The following TPRX1 variants were observed in gnomAD, a reference collection of about 807,000 sequenced individuals.
TPRX1 encodes the protein tetra-peptide repeat homeobox protein 1.
A neutral mutation model predicts 8.1 loss-of-function variants in TPRX1; 2 were observed. That is an observed-to-expected ratio of 0.25 (90% CI 0.10 to 0.78). The LOEUF (loss-of-function observed/expected upper bound fraction) is 0.78, where lower values mean the gene tolerates loss of function less well. Ranked by LOEUF, TPRX1 falls within the 30% of genes least tolerant of loss-of-function variation. TPRX1 has a pLI of 0.70. For synonymous variants in TPRX1, 257 were observed against 254.1 expected, an observed-to-expected ratio of 1.01 and a Z score of -0.11; for missense variants, 517 against 586.9, an observed-to-expected ratio of 0.88 and a Z score of 1.23.
chr19:47,802,664 G>A (rs750430305), exon 4 of TPRX1: 1 of 1,560,166 alleles, frequency 6.4e-7, no homozygotes, highest in Non-Finnish European at 8.7e-7. Context: ...GCCTGGAATT[G>A]AGCCAGGGAG....
At chr19:47,813,491 C>T (rs1488030324) in intron 2 of TPRX1, among the ~76,000 whole-genome samples, 1 of 152,132 alleles carries the variant, frequency 6.6e-6, no homozygotes, top group Non-Finnish European at 1.5e-5. Flanking sequence ...AGGCACTAGG[C>T]ACTCCGGTGA....
exon 4 of TPRX1, chr19:47,802,730 G>A: frequency 1.3e-6 from 2 of 1,599,422 alleles, no homozygotes; most frequent in Non-Finnish European, 1.7e-6. Flanking sequence ...GCCAGGGCCT[G>A]GACTCAGGGC....
intron 2 of TPRX1, among the ~76,000 whole-genome samples, chr19:47,815,163 T>TATATGCAAATATATATATATATATATA (rs201060804): frequency 4.6e-5 from 4 of 86,298 alleles, no homozygotes; most frequent in African/African-American, 5.6e-5. Context: ...TATATATATA[T>TATATGCAAATATATATATATATATATA]TTTTTTTTTT....
At chr19:47,818,246 C>CCCATCCATCCAT (rs756906028) in intron 2 of TPRX1, among the ~76,000 whole-genome samples, 3 of 129,846 alleles carry the variant, frequency 2.3e-5, no homozygotes, top group African/African-American at 3.4e-5. Context: ...CCATCCATCA[C>CCCATCCATCCAT]CCATCCATCC....
chr19:47,810,698 T>A (rs1967775047), intron 2 of TPRX1, among the ~76,000 whole-genome samples: 1 of 151,930 alleles, frequency 6.6e-6, no homozygotes, highest in Non-Finnish European at 1.5e-5. Flanking sequence ...GGGGTTGACC[T>A]CTTGGTGGGG....
intron 2 of TPRX1, among the ~76,000 whole-genome samples, chr19:47,817,503 T>C (rs1967854894): frequency 6.6e-6 from 1 of 152,098 alleles, no homozygotes; most frequent in East Asian, 1.9e-4. Flanking sequence ...CAGAGGTCCC[T>C]TTCTCAGAGG....
chr19:47,802,816 C>T (rs1967692246), exon 4 of TPRX1: 1 of 1,601,422 alleles, frequency 6.2e-7, no homozygotes, highest in South Asian at 1.1e-5. Context: ...TGGGTTCCGC[C>T]GCTGGAAGGA....
chr19:47,805,032 A>G (rs1290388179), intron 2 of TPRX1, among the ~76,000 whole-genome samples: 1 of 151,686 alleles, frequency 6.6e-6, no homozygotes, highest in African/African-American at 2.4e-5. Flanking sequence ...TGACCTTGCA[A>G]CCTCCTCTTT....
At chr19:47,812,975 C>T (rs1967797055) in intron 2 of TPRX1, among the ~76,000 whole-genome samples, 1 of 151,086 alleles carries the variant, frequency 6.6e-6, no homozygotes, top group Non-Finnish European at 1.5e-5. Context: ...GGTATGGTGG[C>T]ACGCGCCTGT....
chr19:47,802,031 A>T (rs748508057), exon 4 of TPRX1: 45 of 1,609,556 alleles, frequency 2.8e-5, no homozygotes, highest in Non-Finnish European at 3.8e-5. Context: ...TGGGGCTGGG[A>T]GTGATCCTGG....
intron 2 of TPRX1, among the ~76,000 whole-genome samples, 180 bp from the exon 2 acceptor site, chr19:47,803,853 G>A (rs1434756746): frequency 2.0e-5 from 3 of 151,710 alleles, no homozygotes; most frequent in African/African-American, 7.3e-5. Flanking sequence ...TCCACATCTA[G>A]GAAATAGGCG....
chr19:47,813,717 A>G (rs1967805829), intron 2 of TPRX1, among the ~76,000 whole-genome samples: 1 of 122,560 alleles, frequency 8.2e-6, no homozygotes. Context: ...TCTGACAAGC[A>G]GAAGGAGTTT....
Position 47,808,257 on chromosome 19 carries a change from G to A in TPRX1, c.152-4584C>T, listed in dbSNP as rs763402714. On this transcript the variant is annotated intron_variant, in intron 2 of 3. Coordinates refer to ENST00000535759, the Ensembl canonical transcript of TPRX1. The stretch of plus-strand genomic sequence containing the variant: ...AGCCTCCTGAGTAGCTGGGATTACA[G>A]GCACCCACCATGATGTCTGGCTAAT... 3.1e-4 allele frequency among the ~76,000 whole-genome samples: 47 copies of A among 151,928 alleles called. 1 individual carries two copies. The highest frequency in any genetic ancestry group is 1.3e-4 in the Admixed American group (2 of 15,212).
At chr19:47,815,646 C>CAA (rs34265596) in intron 2 of TPRX1, among the ~76,000 whole-genome samples, 16,059 of 60,172 alleles carry the variant, frequency 0.27, 2,617 homozygotes, top group Middle Eastern at 0.32. Flanking sequence ...CCCGTCTCTA[C>CAA]AAAAAAAAAA....
intron 2 of TPRX1, among the ~76,000 whole-genome samples, chr19:47,807,102 C>T (rs2123714584): frequency 6.6e-6 from 1 of 152,276 alleles, no homozygotes; most frequent in Non-Finnish European, 1.5e-5. Flanking sequence ...GAATGGGTTT[C>T]ACCATGTTGG....
chr19:47,803,090 C>G (rs905765062), intron 3 of TPRX1, 110 bp from the exon 3 acceptor site: 13 of 1,293,584 alleles, frequency 1.0e-5, no homozygotes, highest in Non-Finnish European at 1.2e-5. Context: ...TCAACAGCCC[C>G]CCATCCCCCA....
chr19:47,810,750 C>T (rs62131862), intron 2 of TPRX1, among the ~76,000 whole-genome samples: 39,484 of 151,804 alleles, frequency 0.26, 5,586 homozygotes, highest in Middle Eastern at 0.36. Flanking sequence ...CCCACAGACA[C>T]CTCCCCATCC....
chr19:47,814,359 T>C (rs900186850), intron 2 of TPRX1, among the ~76,000 whole-genome samples: 2 of 146,388 alleles, frequency 1.4e-5, no homozygotes, highest in African/African-American at 2.5e-5. Flanking sequence ...CCAGTCAACA[T>C]TGTTGATTTT....
intron 1 of TPRX1, among the ~76,000 whole-genome samples, chr19:47,818,818 T>C (rs565868329): frequency 2.0e-5 from 3 of 152,336 alleles, no homozygotes; most frequent in East Asian, 3.9e-4. Flanking sequence ...TATGGATACA[T>C]GTGCCATGTT....
Sources: allele counts gnomAD v4.1 joint callset (sites outside exome capture counted in the v4.1 genomes callset), GRCh38; gene constraint gnomAD v4.1.1; transcripts MANE v1.5; gene names NCBI Gene and HGNC (gene_info 2026-07-23, HGNC 2026-07-21).